Variants in SGCZ observed in about 807,000 individuals in gnomAD.
SGCZ encodes zeta-sarcoglycan.
In SGCZ, 40 loss-of-function variants were observed where a neutral mutation model predicts 41.3. The observed-to-expected ratio is 0.97, with a 90% CI of 0.75 to 1.26. The LOEUF is 1.26. Ranked by LOEUF, SGCZ falls within the 50% of genes most tolerant of loss-of-function variation. The probability of loss-of-function intolerance (pLI) is 0.00; values close to 1 mark genes in which losing one functional copy is unlikely to be tolerated. For synonymous variants in SGCZ, 206 were observed against 137.5 expected (o/e 1.50, Z -3.49); for missense variants, 552 against 369.8 (o/e 1.49, Z -4.04).
chr8:15,033,872 C>T (rs975196615), intron 1 of SGCZ, among the ~76,000 whole-genome samples: 1 of 152,186 alleles, frequency 6.6e-6, no homozygotes, highest in Non-Finnish European at 1.5e-5. Context: ...ACCCATCAGA[C>T]CAACCTCCAA....
intron 1 of SGCZ, among the ~76,000 whole-genome samples, chr8:14,756,646 T>C (rs1799678547): frequency 6.6e-6 from 1 of 152,244 alleles, no homozygotes; most frequent in African/African-American, 2.4e-5. Flanking sequence ...TTCATTTGTT[T>C]TTTTGTTGGA....
chr8:14,108,589 TG>T (rs771316056), intron 5 of SGCZ, among the ~76,000 whole-genome samples: 5 of 152,096 alleles, frequency 3.3e-5, no homozygotes, highest in East Asian at 1.9e-4. Flanking sequence ...GAGAACATTA[TG>T]GGGGAAACCA....
chr8:14,475,117 A>G (rs940590621), intron 2 of SGCZ, among the ~76,000 whole-genome samples: 1 of 152,198 alleles, frequency 6.6e-6, no homozygotes, highest in African/African-American at 2.4e-5. Flanking sequence ...ATACAGCTCT[A>G]AACATTGTAA....
chr8:14,793,789 T>C (rs1801036425), intron 1 of SGCZ, among the ~76,000 whole-genome samples: 1 of 152,110 alleles, frequency 6.6e-6, no homozygotes, highest in Non-Finnish European at 1.5e-5. Context: ...TCTACTTCTC[T>C]TTCACCTTGG....
chr8:14,429,631 T>G (rs981384676), intron 2 of SGCZ, among the ~76,000 whole-genome samples: 3 of 152,186 alleles, frequency 2.0e-5, no homozygotes, highest in African/African-American at 7.2e-5. Flanking sequence ...TTAAGGATTT[T>G]AAGATGAGAT....
chr8:14,504,194 T>C lies in SGCZ; in HGVS notation c.234+50538A>G, dbSNP rs544826944. 1.1e-3 allele frequency among the ~76,000 whole-genome samples: 163 copies of C among 152,348 alleles called. 2 individuals carry two copies. Among genetic ancestry groups the C allele is most frequent in the African/African-American group, 3.6e-3 (148 of 41,586 alleles). On this transcript the variant is annotated intron_variant, in intron 2 of 7. Coordinates refer to ENST00000382080, the MANE Select transcript of SGCZ (RefSeq NM_139167.4). ...TCTATATCTGCTACAAGAGGAAAAT[T>C]CAATTTGCCTTTAAATGTCATCTTC...
chr8:14,750,270 C>A (rs1484300120), intron 1 of SGCZ, among the ~76,000 whole-genome samples: 1 of 151,900 alleles, frequency 6.6e-6, no homozygotes, highest in Non-Finnish European at 1.5e-5. Flanking sequence ...CAGGATTTAA[C>A]AAGTAGTTTT....
intron 2 of SGCZ, among the ~76,000 whole-genome samples, chr8:14,343,682 A>T (rs146810663): frequency 1.2e-3 from 181 of 152,316 alleles, no homozygotes; most frequent in African/African-American, 4.2e-3. Context: ...TATCTTAGAG[A>T]CAGAATAATC....
chr8:14,867,069 A>G (rs944198476), intron 1 of SGCZ, among the ~76,000 whole-genome samples: 4 of 152,094 alleles, frequency 2.6e-5, no homozygotes, highest in South Asian at 4.1e-4. Flanking sequence ...CTGTTTCCCA[A>G]TGTCTAGGTC....
intron 7 of SGCZ, among the ~76,000 whole-genome samples, chr8:14,093,904 ATTGT>A (rs932608603): frequency 9.9e-5 from 15 of 151,972 alleles, no homozygotes; most frequent in African/African-American, 3.6e-4. Flanking sequence ...GTATTCATTC[ATTGT>A]TTGTTTCTTC....
At chr8:15,214,172 G>T (rs142938280) in intron 1 of SGCZ, among the ~76,000 whole-genome samples, 3 of 151,896 alleles carry the variant, frequency 2.0e-5, no homozygotes, top group African/African-American at 7.2e-5. Context: ...ACCAAAAGTG[G>T]CATTGAAATA....
chr8:14,389,913 C>T (rs1022823114), intron 2 of SGCZ, among the ~76,000 whole-genome samples: 1 of 151,954 alleles, frequency 6.6e-6, no homozygotes. Context: ...ATCAGAACTT[C>T]TCACAGTATG....
chr8:14,555,486 T>C (rs1378847548), intron 1 of SGCZ, among the ~76,000 whole-genome samples: 1 of 152,058 alleles, frequency 6.6e-6, no homozygotes, highest in African/African-American at 2.4e-5. Flanking sequence ...GTTTCCCCTT[T>C]GCCTTCCACC....
chr8:14,334,386 G>A (rs1008823489), intron 2 of SGCZ, among the ~76,000 whole-genome samples: 2 of 151,952 alleles, frequency 1.3e-5, no homozygotes, highest in Non-Finnish European at 1.5e-5. Context: ...ATGTAACACA[G>A]AAAATAAATT....
intron 1 of SGCZ, among the ~76,000 whole-genome samples, chr8:14,829,893 G>A (rs989943849): frequency 2.0e-5 from 3 of 152,038 alleles, no homozygotes; most frequent in African/African-American, 7.2e-5. Context: ...CTCACTGCAA[G>A]CTCCGCCTCC....
At chr8:15,203,907 T>C (rs974582823) in intron 1 of SGCZ, among the ~76,000 whole-genome samples, 5 of 152,244 alleles carry the variant, frequency 3.3e-5, no homozygotes, top group Non-Finnish European at 5.9e-5. Flanking sequence ...TTATGTGTTA[T>C]ATAGCTTTTG....
chr8:15,178,952 T>C (rs918275742), intron 1 of SGCZ, among the ~76,000 whole-genome samples: 3 of 152,228 alleles, frequency 2.0e-5, no homozygotes, highest in Non-Finnish European at 2.9e-5. Context: ...TTAGAAAATA[T>C]GATAAACAAT....
chr8:14,600,724 T>A (rs911899477), intron 1 of SGCZ, among the ~76,000 whole-genome samples: 7 of 152,206 alleles, frequency 4.6e-5, no homozygotes, highest in Non-Finnish European at 7.3e-5. Context: ...AAAAAAAATA[T>A]ACACATGCAT....
intron 1 of SGCZ, among the ~76,000 whole-genome samples, chr8:14,968,180 G>A (rs1485407107): frequency 6.6e-6 from 1 of 152,004 alleles, no homozygotes; most frequent in Non-Finnish European, 1.5e-5. Context: ...CCTTCCATAT[G>A]GCTCTTTCAT....
Sources: gnomAD v4.1 joint callset for allele counts (sites outside exome capture counted in the v4.1 genomes callset) on GRCh38, gnomAD v4.1.1 for gene constraint, MANE v1.5 for transcripts, NCBI Gene and HGNC (gene_info 2026-07-23, HGNC 2026-07-21) for gene names.